AAGAB: variants seen among roughly 807,000 people sequenced by gnomAD.
AAGAB encodes alpha- and gamma-adaptin-binding protein p34.
Under a neutral mutation model 44.1 loss-of-function variants are expected in AAGAB, and 38 were observed. The observed-to-expected ratio is 0.86, with a 90% CI of 0.67 to 1.13. The LOEUF (loss-of-function observed/expected upper bound fraction) is 1.13. Ranked by LOEUF, AAGAB falls within the 50% of genes most tolerant of loss-of-function variation. The pLI, the probability that AAGAB is intolerant of heterozygous loss-of-function variation, is 0.00. For missense variants in AAGAB, 450 were observed against 373.8 expected, an observed-to-expected ratio of 1.20 and a Z score of -1.68; for synonymous variants, 131 against 131.8, an observed-to-expected ratio of 0.99 and a Z score of 0.04.
intron 7 of AAGAB, among the ~76,000 whole-genome samples, chr15:67,205,074 T>G (rs977702804): frequency 1.3e-5 from 2 of 152,234 alleles, no homozygotes; most frequent in African/African-American, 4.8e-5. Context: ...TCACCGTTAT[T>G]TTACAGAAGA....
At chr15:67,253,294 G>A (rs1183992544) in intron 1 of AAGAB, among the ~76,000 whole-genome samples, 1 of 149,256 alleles carries the variant, frequency 6.7e-6, no homozygotes, top group African/African-American at 2.5e-5. Context: ...CGGGCGTGGT[G>A]GCACACACCT....
In AAGAB at chr15:67,254,556, C is replaced by G; in HGVS notation, c.73+3G>C. The stretch of plus-strand genomic sequence containing the variant: ...AGGTCGGCCCAGGCGCCTATCTACT[C>G]ACGTTGGACCAGCTGGTCTCCTGAG... On this transcript the variant is annotated splice_donor_region_variant and intron_variant, in intron 1 of 9. Coordinates refer to ENST00000261880, the MANE Select transcript of AAGAB (RefSeq NM_024666.5). 1 of 1,606,410 alleles carries G rather than the reference C, an allele frequency of 6.2e-7. No homozygotes were observed. Among genetic ancestry groups the G allele is most frequent in the Non-Finnish European group, 8.5e-7 (1 of 1,177,416 alleles).
intron 5 of AAGAB, among the ~76,000 whole-genome samples, chr15:67,221,980 A>G (rs1215655673): frequency 1.3e-5 from 2 of 151,728 alleles, no homozygotes; most frequent in Non-Finnish European, 2.9e-5. Flanking sequence ...TGCATCACCT[A>G]TTTTTCCAAG....
rs950251094 is a variant in AAGAB, at chr15:67,254,235, G to A, written c.73+324C>T. The A allele has an allele frequency of 8.2e-6, 3 of 366,334 alleles. No homozygotes were observed. The Admixed American group carries it at 1.3e-4, about 16-fold the overall frequency. The allele number at this position is 366,334 out of a possible 1,614,324, so 22.7% of individuals were successfully genotyped here. ...AACAATTCCAGCACCTTACACTCCTGTAACCTAGCGCAATTTCCGGAGAGC... is the reference window on the plus strand; with the variant it reads ...AACAATTCCAGCACCTTACACTCCTATAACCTAGCGCAATTTCCGGAGAGC... On this transcript the variant is annotated intron_variant, in intron 1 of 9. Transcript: ENST00000261880.
intron 5 of AAGAB, among the ~76,000 whole-genome samples, chr15:67,224,585 C>CTTTTTTTTTT (rs892410820): frequency 7.2e-6 from 1 of 138,836 alleles, no homozygotes; most frequent in Non-Finnish European, 1.6e-5. Flanking sequence ...TTTTTCTTTT[C>CTTTTTTTTTT]TTTTTTTTTT....
chr15:67,254,414 C>G, intron 1 of AAGAB, 145 bp downstream of exon 1: 1 of 1,439,012 alleles, frequency 6.9e-7, no homozygotes, highest in South Asian at 1.5e-5. Context: ...GGGCAGCCAC[C>G]TGGGGAGACT....
intron 9 of AAGAB, among the ~76,000 whole-genome samples, chr15:67,203,343 C>T (rs1963611113): frequency 6.6e-6 from 1 of 152,220 alleles, no homozygotes; most frequent in South Asian, 2.1e-4. Context: ...AAAGGTTCCA[C>T]ATCACTCACC....
intron 1 of AAGAB, among the ~76,000 whole-genome samples, chr15:67,244,736 G>A (rs185761385): frequency 6.6e-5 from 10 of 150,870 alleles, no homozygotes; most frequent in Admixed American, 2.6e-4. Flanking sequence ...CCCCAGAGGC[G>A]GAGGCTGCAG....
intron 1 of AAGAB, among the ~76,000 whole-genome samples, chr15:67,246,070 C>T (rs551954353): frequency 1.3e-5 from 2 of 152,274 alleles, no homozygotes; most frequent in African/African-American, 4.8e-5. Context: ...CCTAAAATAT[C>T]ATAAAGCCTC....
At chr15:67,206,784 C>A (rs1037354452) in intron 7 of AAGAB, among the ~76,000 whole-genome samples, 1 of 152,122 alleles carries the variant, frequency 6.6e-6, no homozygotes, top group Non-Finnish European at 1.5e-5. Flanking sequence ...ATTTCTGGTA[C>A]CAAGAGATGC....
At chr15:67,207,084 G>A (rs1367510039) in intron 7 of AAGAB, among the ~76,000 whole-genome samples, 1 of 152,202 alleles carries the variant, frequency 6.6e-6, no homozygotes, top group Non-Finnish European at 1.5e-5. Context: ...CAGCCACTCA[G>A]GAGGCTGAGG....
chr15:67,216,442 GAAAAAAAAAAAA>G (rs60381455), intron 5 of AAGAB, among the ~76,000 whole-genome samples: 5 of 52,156 alleles, frequency 9.6e-5, no homozygotes, highest in Non-Finnish European at 1.6e-4. Context: ...ACTCACTCTT[GAAAAAAAAAAAA>G]AAAAAAAAAA....
chr15:67,237,867 C>A (rs1313503698), intron 1 of AAGAB, among the ~76,000 whole-genome samples: 2 of 152,124 alleles, frequency 1.3e-5, no homozygotes, highest in Non-Finnish European at 2.9e-5. Context: ...ATTAGCAAGA[C>A]ACTGAAAACT....
At chr15:67,206,185 T>G (rs747504292) in intron 7 of AAGAB, among the ~76,000 whole-genome samples, 1 of 152,244 alleles carries the variant, frequency 6.6e-6, no homozygotes, top group Non-Finnish European at 1.5e-5. Flanking sequence ...TTTTGTATAA[T>G]GTCCCTTAAT....
chr15:67,232,558 G>T, intron 4 of AAGAB: 1 of 403,714 alleles, frequency 2.5e-6, no homozygotes, highest in South Asian at 2.1e-5. Context: ...CTACCTAAGA[G>T]AGAAATTCGG....
rs748784905 is a variant in AAGAB, at chr15:67,236,791, C to T, written c.103G>A (p.Glu35Lys). 6.2e-7 allele frequency: 1 copy of T among 1,611,136 alleles called. No homozygotes were observed. Among genetic ancestry groups the T allele is most frequent in the Non-Finnish European group, 8.5e-7 (1 of 1,178,916 alleles). Residue 35 changes from glutamate to lysine, a missense_variant, in exon 2 of 10, where the codon GAA (glutamate) becomes AAA (lysine). Glu to Lys is a moderately conservative substitution (Grantham distance 56). Coordinates refer to ENST00000261880, the MANE Select transcript of AAGAB (RefSeq NM_024666.5). ...HILGTEDLIVEVTSNDAVRFY... is the reference protein window; with the variant it reads ...HILGTEDLIVKVTSNDAVRFY... ...CTCACAGCATCATTGGAAGTCACTT[C>T]CACAATAAGATCTTCTGTTCCAAGG...
chr15:67,212,128 G>A (rs1471150367), intron 5 of AAGAB, among the ~76,000 whole-genome samples: 7 of 152,124 alleles, frequency 4.6e-5, no homozygotes, highest in Non-Finnish European at 7.4e-5. Flanking sequence ...TGATGCGCCC[G>A]CCTTGGCCTT....
rs1390240171 is a variant in AAGAB, at chr15:67,236,423, TATCGCAGACCA to T, written c.335_345del (p.Leu112Ter). 1.9e-6 allele frequency: 3 copies of T among 1,614,092 alleles called. No homozygotes were observed. ...CAGGCCTTACCATCTTCAGACACTC[TATCGCAGACCA>T]AGATCATCACCTCAGGTAACCATGC... On this transcript the variant is annotated frameshift_variant, in exon 3 of 10. Transcript: ENST00000261880. LOFTEE classifies it high-confidence loss of function.
chr15:67,212,445 A>G (rs1255848852), intron 5 of AAGAB, among the ~76,000 whole-genome samples: 3 of 152,222 alleles, frequency 2.0e-5, no homozygotes, highest in African/African-American at 7.2e-5. Context: ...AGAAAACTGA[A>G]CTAGTGGTCA....
Sources: gnomAD v4.1 joint callset for allele counts (sites outside exome capture counted in the v4.1 genomes callset) on GRCh38, gnomAD v4.1.1 for gene constraint, MANE v1.5 for transcripts, NCBI Gene and HGNC (gene_info 2026-07-23, HGNC 2026-07-21) for gene names.